SLC35F5: variants seen among roughly 807,000 people sequenced by gnomAD.
The protein encoded by SLC35F5 is solute carrier family 35 member F5.
In SLC35F5, 54 loss-of-function variants were observed where a neutral mutation model predicts 68.6. The observed-to-expected ratio is 0.79, with a 90% CI of 0.63 to 0.99. The LOEUF is 0.99. SLC35F5 is among the 50% of genes least tolerant of loss of function. The pLI, the probability that SLC35F5 is intolerant of heterozygous loss-of-function variation, is 0.00. For missense variants in SLC35F5, 567 were observed against 626.9 expected (o/e 0.90, Z 1.02); for synonymous variants, 211 against 205.2 (o/e 1.03, Z -0.24).
chr2:113,733,175 T>C (rs770724414), intron 9 of SLC35F5, among the ~76,000 whole-genome samples: 9 of 152,184 alleles, frequency 5.9e-5, no homozygotes, highest in Admixed American at 1.3e-4. Context: ...CTGGGCCACA[T>C]GGTATTGCAA....
At chr2:113,704,202 T>G (rs1282652061), downstream of SLC35F5, 1 of 152,300 alleles carries the variant, frequency 6.6e-6, no homozygotes, top group Non-Finnish European at 1.5e-5. Flanking sequence ...CCCGCTTTTA[T>G]TCTCTTATCT....
chr2:113,748,359 G>C (rs547341605), intron 4 of SLC35F5, among the ~76,000 whole-genome samples: 1 of 152,148 alleles, frequency 6.6e-6, no homozygotes, highest in Admixed American at 6.5e-5. Context: ...TTGAGACAGA[G>C]TTTCACCATG....
intron 8 of SLC35F5, among the ~76,000 whole-genome samples, chr2:113,735,175 A>G (rs1364901550): frequency 6.6e-6 from 1 of 152,222 alleles, no homozygotes; most frequent in Non-Finnish European, 1.5e-5. Context: ...AGGCAACTAC[A>G]ATACAAAAGG....
downstream of SLC35F5, among the ~76,000 whole-genome samples, chr2:113,706,560 T>C (rs1004984798): frequency 1.3e-5 from 2 of 152,210 alleles, no homozygotes; most frequent in Admixed American, 1.3e-4. Context: ...AATTTGATTA[T>C]TCAAAAATTT....
chr2:113,716,114 T>C (rs1322327410), intron 15 of SLC35F5, among the ~76,000 whole-genome samples: 3 of 151,894 alleles, frequency 2.0e-5, no homozygotes, highest in Non-Finnish European at 2.9e-5. Context: ...ATAAACCACA[T>C]GGACAAAAAG....
rs1409979671 is a variant in SLC35F5, at chr2:113,708,481, G to C, written c.*6737C>G. Among the ~76,000 whole-genome samples, 1 of 152,140 alleles carries C rather than the reference G, an allele frequency of 6.6e-6. No individual in the cohort carries two copies. Among genetic ancestry groups the C allele is most frequent in the Non-Finnish European group, 1.5e-5 (1 of 68,006 alleles). ...GCACTTTGGGAGGCCGAGGCGTGTAGATCACTTGAGGTCAAGAGTTCAAGA... is the reference window on the plus strand; with the variant it reads ...GCACTTTGGGAGGCCGAGGCGTGTACATCACTTGAGGTCAAGAGTTCAAGA... On this transcript the variant is annotated 3_prime_UTR_variant, in exon 16 of 16. Transcript: ENST00000245680.
rs569776758 is a variant in SLC35F5 at position 113,753,145 on chromosome 2, C to T, written c.273+2020G>A. Among the ~76,000 whole-genome samples the T allele has an allele frequency of 2.2e-4, 26 of 116,720 alleles. No homozygotes were observed. In the South Asian group the frequency reaches 7.2e-3, roughly 32 times the overall value. 76.6% of individuals were successfully genotyped at this position (116,720 alleles called of 152,430 possible). A position where few individuals can be genotyped will look rare whatever the true frequency, so the allele number is the denominator to read the frequency against. ...ACTGATTTTCTTTTTGAAATACACA[C>T]TTTATCTCCAAAGTTTGTTTTTCTT... On this transcript the variant is annotated intron_variant, in intron 3 of 15. Coordinates refer to ENST00000245680, the MANE Select transcript of SLC35F5 (RefSeq NM_025181.5).
rs1003270092 is a variant in SLC35F5 at position 113,712,145 on chromosome 2, T to C, written c.*3073A>G. Among the ~76,000 whole-genome samples, 2 of 152,208 alleles carry C rather than the reference T, an allele frequency of 1.3e-5. No homozygotes were observed. Among genetic ancestry groups the C allele is most frequent in the African/African-American group, 4.8e-5 (2 of 41,450 alleles). ...ACTTCTACAAGAACAATGAACTTAT[T>C]TGTCAGCTGCCAGGGGGAAAATCAG... On this transcript the variant is annotated 3_prime_UTR_variant, in exon 16 of 16. Coordinates refer to ENST00000245680, the MANE Select transcript of SLC35F5 (RefSeq NM_025181.5).
intron 6 of SLC35F5, 68 bp from the exon 7 acceptor site, chr2:113,742,947 T>C: frequency 1.4e-6 from 2 of 1,425,466 alleles, no homozygotes; most frequent in South Asian, 1.2e-5. Context: ...CAAGTTTTAA[T>C]TTACTGATAA....
rs1687058184 is a variant in SLC35F5, at chr2:113,713,310, C to G, written c.*1908G>C. 1 of 152,108 alleles carries G rather than the reference C, an allele frequency of 6.6e-6. No homozygotes were observed. The highest frequency in any genetic ancestry group is 2.4e-5 in the African/African-American group (1 of 41,406). The allele number at this position is 152,108 out of a possible 1,614,324, so 9.4% of individuals were successfully genotyped here. On this transcript the variant is annotated 3_prime_UTR_variant, in exon 16 of 16. Transcript: ENST00000245680. ...GCCTGTTAACTACGGCTTAGTACTT[C>G]CAGAATCCTGAGTAACAACACATGA... is the stretch of plus-strand genomic sequence containing the variant.
intron 1 of SLC35F5, chr2:113,755,840 C>T: frequency 6.5e-7 from 1 of 1,548,828 alleles, no homozygotes; most frequent in Non-Finnish European, 8.7e-7. Context: ...TTCACAAATA[C>T]GGAACTCCAT....
intron 13 of SLC35F5, among the ~76,000 whole-genome samples, chr2:113,722,392 C>CAT (rs1398829756): frequency 6.6e-6 from 1 of 151,098 alleles, no homozygotes; most frequent in Non-Finnish European, 1.5e-5. Context: ...CATACATACA[C>CAT]ACACACACAC....
Position 113,710,751 on chromosome 2 carries a change from C to G in SLC35F5, c.*4467G>C, listed in dbSNP as rs111915577. 1.5e-3 allele frequency among the ~76,000 whole-genome samples: 223 copies of G among 150,706 alleles called. No individual in the cohort carries two copies. Among genetic ancestry groups the G allele is most frequent in the African/African-American group, 4.1e-3 (169 of 40,974 alleles). ...TGCCACTGCACTCCAGCCTGGGTGA[C>G]AGAGTGAGACCCCATCTCAAAAAAA... On this transcript the variant is annotated 3_prime_UTR_variant, in exon 16 of 16. Transcript: ENST00000245680.
intron 1 of SLC35F5, chr2:113,755,855 C>T: frequency 1.9e-6 from 3 of 1,550,524 alleles, no homozygotes; most frequent in Non-Finnish European, 2.6e-6. Flanking sequence ...CTCCATTCAC[C>T]TCTCCATCCA....
At chr2:113,751,626 A>G (rs1676744053) in intron 3 of SLC35F5, among the ~76,000 whole-genome samples, 1 of 151,912 alleles carries the variant, frequency 6.6e-6, no homozygotes. Context: ...CCTGGCCAAC[A>G]TGGCGAAACC....
At chr2:113,722,423 G>A (rs1487325618) in intron 13 of SLC35F5, among the ~76,000 whole-genome samples, 1 of 151,910 alleles carries the variant, frequency 6.6e-6, no homozygotes, top group African/African-American at 2.4e-5. Flanking sequence ...CTGTGACTTA[G>A]TAGTTGCAGT....
intron 7 of SLC35F5, among the ~76,000 whole-genome samples, chr2:113,739,376 T>C (rs548305835): frequency 1.4e-4 from 22 of 152,330 alleles, no homozygotes; most frequent in African/African-American, 5.3e-4. Context: ...TTTTTCACCT[T>C]CATTATTTTT....
intron 7 of SLC35F5, among the ~76,000 whole-genome samples, chr2:113,737,935 T>C (rs1343581130): frequency 4.0e-5 from 6 of 151,778 alleles, no homozygotes; most frequent in Non-Finnish European, 1.5e-5. Context: ...TTTCATAATT[T>C]CATTAGTAAT....
At chr2:113,725,291 G>C in intron 12 of SLC35F5, 87 bp downstream of exon 12, 3 of 1,257,780 alleles carry the variant, frequency 2.4e-6, no homozygotes, top group African/African-American at 3.1e-5. Flanking sequence ...TGCACAGGAA[G>C]GGCCACCAGC....
Sources: allele counts gnomAD v4.1 joint callset (sites outside exome capture counted in the v4.1 genomes callset), GRCh38; gene constraint gnomAD v4.1.1; transcripts MANE v1.5; gene names NCBI Gene and HGNC (gene_info 2026-07-23, HGNC 2026-07-21).